The following ADAMTSL1 variants were observed in gnomAD, a reference collection of about 807,000 sequenced individuals.
ADAMTSL1 encodes the protein ADAMTS like 1, also known as ADAMTS-like protein 1.
In ADAMTSL1, 126 loss-of-function variants were observed where a neutral mutation model predicts 201.8. The ratio of observed to expected loss-of-function variants is 0.62; its 90% confidence interval spans 0.54 to 0.72. The LOEUF is 0.72. ADAMTSL1 is among the 30% of genes least tolerant of loss of function. The pLI is 0.00. For synonymous variants in ADAMTSL1, 1,121 were observed against 903.4 expected, an observed-to-expected ratio of 1.24 and a Z score of -4.32; for missense variants, 2,679 against 2,277.8, an observed-to-expected ratio of 1.18 and a Z score of -3.59.
chr9:18,713,434 G>A (rs1229595365), intron 14 of ADAMTSL1, among the ~76,000 whole-genome samples: 1 of 152,140 alleles, frequency 6.6e-6, no homozygotes, highest in Non-Finnish European at 1.5e-5. Context: ...AACAAAAAAG[G>A]CAGGGGTTGC....
At chr9:18,208,161 A>G (rs1829731765) in intron 2 of ADAMTSL1, among the ~76,000 whole-genome samples, 1 of 152,170 alleles carries the variant, frequency 6.6e-6, no homozygotes, top group African/African-American at 2.4e-5. Flanking sequence ...GTAGGTGCTC[A>G]CTAAGTGGCA....
chr9:18,130,401 T>G (rs17196795), intron 1 of ADAMTSL1, among the ~76,000 whole-genome samples: 5,907 of 152,276 alleles, frequency 0.039, 158 homozygotes, highest in Non-Finnish European at 0.063. Context: ...TTTCCCAGTT[T>G]TTATTTCCTT....
intron 23 of ADAMTSL1, 139 bp from the exon 24 acceptor site, chr9:18,887,692 T>C: frequency 1.4e-6 from 1 of 712,370 alleles, no homozygotes; most frequent in East Asian, 2.7e-5. Context: ...TGCTCAGGAA[T>C]GGCAAATGTA....
rs1373461915 is a variant in ADAMTSL1, at chr9:18,280,919, A to G, written c.207+116938A>G. Among the ~76,000 whole-genome samples the G allele has an allele frequency of 1.3e-4, 18 of 137,368 alleles. No homozygotes were observed. The Admixed American group carries it at 1.4e-3, about 10-fold the overall frequency. The allele number at this position is 137,368 out of a possible 152,430, so 90.1% of individuals were successfully genotyped here. On this transcript the variant is annotated intron_variant, in intron 2 of 29. Transcript: ENST00000680146. ...GAGACAAGGTCTCACTCTGTCACCC[A>G]GACTGAAGTGCGGTGGCATGATCAT...
intron 1 of ADAMTSL1, among the ~76,000 whole-genome samples, chr9:18,113,649 C>A (rs762768252): frequency 3.2e-4 from 49 of 152,016 alleles, no homozygotes; most frequent in Non-Finnish European, 6.5e-4. Context: ...GTCTTCAGCA[C>A]GTGAGTGATT....
chr9:18,534,569 T>C (rs757692437), intron 3 of ADAMTSL1, among the ~76,000 whole-genome samples: 1 of 152,220 alleles, frequency 6.6e-6, no homozygotes, highest in Non-Finnish European at 1.5e-5. Flanking sequence ...TTGAAGAAGC[T>C]CTTTCCTCAA....
At chr9:18,290,769 C>CTTTT (rs1345749640) in intron 2 of ADAMTSL1, among the ~76,000 whole-genome samples, 2 of 82,718 alleles carry the variant, frequency 2.4e-5, no homozygotes, top group South Asian at 5.2e-4. Flanking sequence ...TGAAAGCTGG[C>CTTTT]TTTTTTTGTG....
intron 15 of ADAMTSL1, among the ~76,000 whole-genome samples, chr9:18,745,718 T>C (rs1170778391): frequency 6.6e-6 from 1 of 152,236 alleles, no homozygotes; most frequent in Non-Finnish European, 1.5e-5. Context: ...ATCCATCTAT[T>C]AAAAACCATG....
At position 18,777,555 on chromosome 9, in the gene ADAMTSL1, T is replaced by C; in HGVS notation, c.3326T>C (p.Phe1109Ser). Residue 1109 changes from phenylalanine (F) to serine (S), a missense_variant, in exon 19 of 29, where the codon TTC becomes TCC. Physicochemically the swap from Phe to Ser is radical, Grantham distance 155 (BLOSUM62 -2). Coordinates refer to ENST00000380548, the MANE Select transcript of ADAMTSL1 (RefSeq NM_001040272.6). ...HLVAQLAQEI[F>S]RSHLEHQDTL... ...GTGGCCCAGCTGGCCCAGGAGATCT[T>C]CCGCAGCCACCTGGAGCACCAGGAC... 1.2e-6 allele frequency: 2 copies of C among 1,605,752 alleles called. No individual in the cohort carries two copies. The highest frequency in any genetic ancestry group is 1.7e-6 in the Non-Finnish European group (2 of 1,176,450).
chr9:18,701,889 T>G (rs1200216925), intron 13 of ADAMTSL1, among the ~76,000 whole-genome samples: 1 of 152,194 alleles, frequency 6.6e-6, no homozygotes, highest in African/African-American at 2.4e-5. Context: ...AAAAGTTAAT[T>G]TTCACATTGT....
chr9:18,470,630 C>T (rs1821169980), upstream of ADAMTSL1, among the ~76,000 whole-genome samples: 1 of 152,152 alleles, frequency 6.6e-6, no homozygotes, highest in Non-Finnish European at 1.5e-5. Context: ...CAGAGAGGCT[C>T]AACCTGAAGA....
At chr9:18,787,907 A>G (rs1821795642) in intron 19 of ADAMTSL1, among the ~76,000 whole-genome samples, 1 of 152,188 alleles carries the variant, frequency 6.6e-6, no homozygotes, top group Non-Finnish European at 1.5e-5. Context: ...GATAAAATAC[A>G]CATATTAGCA....
chr9:17,917,043 T>G (rs768864593), intron 1 of ADAMTSL1, among the ~76,000 whole-genome samples: 9 of 152,118 alleles, frequency 5.9e-5, no homozygotes, highest in Non-Finnish European at 1.0e-4. Context: ...TTTAAAAAAT[T>G]TTAGTTTCCA....
chr9:18,551,966 G>A (rs1169763820), intron 3 of ADAMTSL1, among the ~76,000 whole-genome samples: 1 of 151,674 alleles, frequency 6.6e-6, no homozygotes, highest in East Asian at 1.9e-4. Context: ...CTCTAATGGT[G>A]TTTGGGATTT....
At chr9:18,321,427 G>GT (rs1335853408) in intron 2 of ADAMTSL1, among the ~76,000 whole-genome samples, 1 of 152,154 alleles carries the variant, frequency 6.6e-6, no homozygotes, top group African/African-American at 2.4e-5. Flanking sequence ...GCAAGGATAC[G>GT]TAAGATTTTA....
At chr9:18,871,066 A>G (rs904410164) in intron 23 of ADAMTSL1, among the ~76,000 whole-genome samples, 1 of 152,226 alleles carries the variant, frequency 6.6e-6, no homozygotes, top group Non-Finnish European at 1.5e-5. Flanking sequence ...TTATATAAAG[A>G]GATAGGTGTC....
chr9:18,046,998 A>G (rs1013326321), intron 1 of ADAMTSL1, among the ~76,000 whole-genome samples: 6 of 152,234 alleles, frequency 3.9e-5, no homozygotes, highest in Middle Eastern at 3.4e-3. Flanking sequence ...GTTCAGATGC[A>G]TTGTAATGTG....
At chr9:18,162,579 A>G (rs2132088472) in intron 1 of ADAMTSL1, among the ~76,000 whole-genome samples, 1 of 152,110 alleles carries the variant, frequency 6.6e-6, no homozygotes, top group South Asian at 2.1e-4. Context: ...TATTTGATGG[A>G]TTGAGCATCT....
chr9:18,607,732 C>G (rs1018143193), intron 4 of ADAMTSL1, among the ~76,000 whole-genome samples: 3 of 151,960 alleles, frequency 2.0e-5, no homozygotes, highest in East Asian at 1.9e-4. Context: ...CCCCCCTACC[C>G]CCACCCCACA....
Sources: gnomAD v4.1 joint callset for allele counts (sites outside exome capture counted in the v4.1 genomes callset) on GRCh38, gnomAD v4.1.1 for gene constraint, MANE v1.5 for transcripts, NCBI Gene and HGNC (gene_info 2026-07-23, HGNC 2026-07-21) for gene names.